The following PCDHA5 variants were observed in gnomAD, a reference collection of about 807,000 sequenced individuals.
PCDHA5 encodes the protein protocadherin alpha-5.
Under a neutral mutation model 61.6 loss-of-function variants are expected in PCDHA5, and 43 were observed. That is an observed-to-expected ratio of 0.70 (90% CI 0.55 to 0.90). The LOEUF is 0.90. Among genes scored for constraint, PCDHA5 ranks in the 40% least tolerant of loss-of-function variants. The pLI, the probability that PCDHA5 is intolerant of heterozygous loss-of-function variation, is 0.00. For synonymous variants in PCDHA5, 627 were observed against 543.9 expected, an observed-to-expected ratio of 1.15 and a Z score of -2.13; for missense variants, 1,298 against 1,222.7, an observed-to-expected ratio of 1.06 and a Z score of -0.92.
chr5:141,008,022 T>C (rs1355928123), intron 3 of PCDHA5, among the ~76,000 whole-genome samples: 3 of 152,226 alleles, frequency 2.0e-5, no homozygotes, highest in Non-Finnish European at 4.4e-5. Context: ...TCCTTTTTTT[T>C]CTTGTTAATC....
At chr5:140,951,967 C>A (rs2094665815) in intron 1 of PCDHA5, among the ~76,000 whole-genome samples, 1 of 152,166 alleles carries the variant, frequency 6.6e-6, no homozygotes, top group South Asian at 2.1e-4. Context: ...GTAAATACTC[C>A]TGTTCCAAAA....
chr5:140,973,078 C>T (rs111586419), intron 1 of PCDHA5, among the ~76,000 whole-genome samples: 5,544 of 152,208 alleles, frequency 0.036, 303 homozygotes, highest in African/African-American at 0.12. Context: ...GTGGGCCCAG[C>T]TGGCACAACA....
chr5:140,830,602 A>G (rs970606519), intron 1 of PCDHA5: 1 of 658,624 alleles, frequency 1.5e-6, no homozygotes, highest in Non-Finnish European at 2.3e-6. Flanking sequence ...AAAATTACAT[A>G]TTTTCATTTT....
At chr5:140,927,147 G>T (rs1554204095) in intron 1 of PCDHA5, 5 of 1,614,162 alleles carry the variant, frequency 3.1e-6, no homozygotes, top group Non-Finnish European at 4.2e-6. Context: ...ACCGCGAACA[G>T]CTGTGCAGGG....
chr5:140,879,869 T>C lies in PCDHA5; in HGVS notation c.2352+55742T>C, dbSNP rs782705975. Among the ~76,000 whole-genome samples, 13 of 152,220 alleles carry C rather than the reference T, an allele frequency of 8.5e-5. 1 individual carries two copies. The highest frequency in any genetic ancestry group is 1.5e-4 in the Non-Finnish European group (10 of 68,042). ...CCCATCTCAGCCTTCTCAGCTTTCA[T>C]GGTCACATTGCCTCCTCCTCTCCAT... On this transcript the variant is annotated intron_variant, in intron 1 of 3. Coordinates refer to ENST00000529859, the MANE Select transcript of PCDHA5 (RefSeq NM_018908.3).
At chr5:140,884,120 G>A in intron 1 of PCDHA5, 1 of 1,613,322 alleles carries the variant, frequency 6.2e-7, no homozygotes, top group Non-Finnish European at 8.5e-7. Flanking sequence ...GGCGGTCGGC[G>A]CGCGCATCCC....
At chr5:140,986,861 C>T (rs1007036038) in intron 3 of PCDHA5, among the ~76,000 whole-genome samples, 12 of 152,086 alleles carry the variant, frequency 7.9e-5, no homozygotes, top group Non-Finnish European at 1.0e-4. Flanking sequence ...CAACAATACC[C>T]GGAAACTTGT....
chr5:140,857,657 C>A (rs1207727837), intron 1 of PCDHA5: 1 of 1,596,626 alleles, frequency 6.3e-7, no homozygotes. Flanking sequence ...GGTGAGCGCG[C>A]GCGATGGGGG....
At chr5:140,938,395 C>G (rs2092045479) in intron 1 of PCDHA5, among the ~76,000 whole-genome samples, 1 of 152,114 alleles carries the variant, frequency 6.6e-6, no homozygotes, top group African/African-American at 2.4e-5. Context: ...ATATGAAATA[C>G]ATTGTTTGAT....
intron 1 of PCDHA5, chr5:140,869,408 G>T (rs782029332): frequency 2.0e-5 from 32 of 1,614,106 alleles, no homozygotes; most frequent in Non-Finnish European, 2.7e-5. Context: ...AGCGCGGAGT[G>T]CAGCATCCAC....
chr5:140,841,278 T>A, intron 1 of PCDHA5: 5 of 1,521,548 alleles, frequency 3.3e-6, no homozygotes, highest in Non-Finnish European at 3.5e-6. Context: ...GTCGTTCATC[T>A]TTATATTAAG....
intron 1 of PCDHA5, chr5:140,870,821 G>T: frequency 1.9e-6 from 3 of 1,613,736 alleles, no homozygotes; most frequent in South Asian, 1.1e-5. Context: ...GGCAGCGCGG[G>T]AGGCGCAGTT....
intron 1 of PCDHA5, among the ~76,000 whole-genome samples, chr5:140,972,103 CA>C (rs1388508761): frequency 2.0e-5 from 3 of 152,104 alleles, no homozygotes; most frequent in Non-Finnish European, 4.4e-5. Context: ...GGCATAGAAG[CA>C]GGTAACAAAT....
intron 1 of PCDHA5, among the ~76,000 whole-genome samples, chr5:140,933,263 A>G (rs1374246908): frequency 6.6e-6 from 1 of 151,986 alleles, no homozygotes; most frequent in Non-Finnish European, 1.5e-5. Context: ...AAAGGTTATT[A>G]TATATTCATT....
intron 3 of PCDHA5, among the ~76,000 whole-genome samples, chr5:140,987,901 T>C (rs1554249667): frequency 6.6e-6 from 1 of 152,180 alleles, no homozygotes. Context: ...TAGTTTTATA[T>C]GGGGATTTAT....
chr5:140,828,382 G>A (rs1769726529), intron 1 of PCDHA5: 1 of 1,614,172 alleles, frequency 6.2e-7, no homozygotes, highest in African/African-American at 1.3e-5. Flanking sequence ...AGCTGTGCGG[G>A]CGGAGCGCGG....
At chr5:140,913,934 G>C (rs1554196103) in intron 1 of PCDHA5, among the ~76,000 whole-genome samples, 1 of 152,102 alleles carries the variant, frequency 6.6e-6, no homozygotes, top group African/African-American at 2.4e-5. Context: ...TGTGGTCAGA[G>C]AAGAATCTTG....
Position 141,010,389 on chromosome 5 carries a change from G to A in PCDHA5, c.*452G>A. The A allele has an allele frequency of 1.4e-6, 2 of 1,400,314 alleles. No individual in the cohort carries two copies. Among genetic ancestry groups the A allele is most frequent in the Non-Finnish European group, 1.9e-6 (2 of 1,052,510 alleles). The allele number at this position is 1,400,314 out of a possible 1,614,324, so 86.7% of individuals were successfully genotyped here. ...TATGCGAGTGCCAGATATTGGCTGA[G>A]ACGAGCCAGCTTAGACTAATTGGTA... On this transcript the variant is annotated 3_prime_UTR_variant, in exon 4 of 4. Coordinates refer to ENST00000529859, the MANE Select transcript of PCDHA5 (RefSeq NM_018908.3).
At chr5:140,987,296 A>G (rs782162576) in intron 3 of PCDHA5, among the ~76,000 whole-genome samples, 1 of 152,126 alleles carries the variant, frequency 6.6e-6, no homozygotes, top group African/African-American at 2.4e-5. Context: ...CAAGCCTTCT[A>G]TGTGATACCA....
Sources: allele counts gnomAD v4.1 joint callset (sites outside exome capture counted in the v4.1 genomes callset), GRCh38; gene constraint gnomAD v4.1.1; transcripts MANE v1.5; gene names NCBI Gene and HGNC (gene_info 2026-07-23, HGNC 2026-07-21).